CCDC40: variants seen among roughly 807,000 people sequenced by gnomAD.
CCDC40 encodes coiled-coil domain 40 molecular ruler complex subunit.
A neutral mutation model predicts 124.5 loss-of-function variants in CCDC40; 104 were observed. The ratio of observed to expected loss-of-function variants is 0.84; its 90% CI spans 0.71 to 0.98. The LOEUF (loss-of-function observed/expected upper bound fraction) is 0.98. Among genes scored for constraint, CCDC40 ranks in the 50% least tolerant of loss-of-function variants. The probability of loss-of-function intolerance (pLI) is 0.00; values close to 1 mark genes in which losing one functional copy is unlikely to be tolerated. For synonymous variants in CCDC40, 580 were observed against 602.9 expected, an observed-to-expected ratio of 0.96 and a Z score of 0.56; for missense variants, 1,463 against 1,503.9, an observed-to-expected ratio of 0.97 and a Z score of 0.45.
intron 18 of CCDC40, 89 bp downstream of exon 18, chr17:80,095,540 G>C (rs1255583726): frequency 7.6e-7 from 1 of 1,317,868 alleles, no homozygotes; most frequent in Non-Finnish European, 1.1e-6. Context: ...TGGGTCCGGG[G>C]TGAGGATGCA....
chr17:80,079,952 G>A (rs1365840130), intron 10 of CCDC40, among the ~76,000 whole-genome samples: 3 of 149,128 alleles, frequency 2.0e-5, no homozygotes, highest in African/African-American at 4.9e-5. Context: ...ATGGCCAGGC[G>A]CAGTGGCCCA....
At chr17:80,055,274 T>C (rs980485188) in intron 7 of CCDC40, among the ~76,000 whole-genome samples, 10 of 152,132 alleles carry the variant, frequency 6.6e-5, no homozygotes, top group Non-Finnish European at 1.5e-4. Context: ...GATCTGGGAA[T>C]GAAATACTGA....
At chr17:80,070,810 G>A (rs970899582) in intron 10 of CCDC40, among the ~76,000 whole-genome samples, 1 of 152,220 alleles carries the variant, frequency 6.6e-6, no homozygotes, top group African/African-American at 2.4e-5. Flanking sequence ...AGGGGCATGG[G>A]TGAGGCCTGT....
At chr17:80,051,100 G>C (rs371082066) in intron 7 of CCDC40, among the ~76,000 whole-genome samples, 1 of 152,124 alleles carries the variant, frequency 6.6e-6, no homozygotes, top group Non-Finnish European at 1.5e-5. Context: ...AGGTGACCGG[G>C]GACAGTGGCT....
chr17:80,095,479 C>T (rs750522462), intron 18 of CCDC40, 28 bp downstream of exon 18: 38 of 1,605,354 alleles, frequency 2.4e-5, no homozygotes, highest in South Asian at 3.3e-5. Context: ...GGAAACAGGG[C>T]GCCTGCTCCT....
chr17:80,057,280 G>T (rs148470470), intron 7 of CCDC40, among the ~76,000 whole-genome samples: 9,392 of 151,764 alleles, frequency 0.062, 905 homozygotes, highest in African/African-American at 0.21. Flanking sequence ...TAGAGACAGG[G>T]TTTCACCATG....
At chr17:80,098,335 G>C (rs537197494) in intron 19 of CCDC40, among the ~76,000 whole-genome samples, 4 of 152,376 alleles carry the variant, frequency 2.6e-5, no homozygotes. Context: ...AGAGGAGGGC[G>C]TTGGGTCTGA....
chr17:80,089,675 G>C, intron 16 of CCDC40, 89 bp from the exon 17 acceptor site: 1 of 1,518,018 alleles, frequency 6.6e-7, no homozygotes, highest in Admixed American at 1.7e-5. Context: ...ATTGCAGCTT[G>C]AGAGCCTTGT....
chr17:80,083,222 G>T (rs978209664), intron 12 of CCDC40, among the ~76,000 whole-genome samples: 3 of 152,054 alleles, frequency 2.0e-5, no homozygotes, highest in Non-Finnish European at 2.9e-5. Flanking sequence ...GTTGGGGAGG[G>T]GGGAGGCAGG....
chr17:80,082,787 C>T (rs56225538), intron 12 of CCDC40, among the ~76,000 whole-genome samples: 12,049 of 152,300 alleles, frequency 0.079, 776 homozygotes, highest in African/African-American at 0.18. Flanking sequence ...CCGCCGAGCC[C>T]CTGTCTGGGC....
intron 10 of CCDC40, among the ~76,000 whole-genome samples, chr17:80,076,498 A>T (rs1211840458): frequency 6.6e-6 from 1 of 150,950 alleles, no homozygotes; most frequent in African/African-American, 2.4e-5. Context: ...GCTTGAGCCT[A>T]GGAGGCTGAA....
At chr17:80,094,134 G>GGGTGC (rs1436411272) in intron 17 of CCDC40, among the ~76,000 whole-genome samples, 34 of 152,194 alleles carry the variant, frequency 2.2e-4, no homozygotes, top group South Asian at 8.3e-4. Context: ...AGTTTGGGCT[G>GGGTGC]GGTGCGGTGG....
intron 17 of CCDC40, among the ~76,000 whole-genome samples, chr17:80,092,760 A>G (rs2038745156): frequency 1.3e-5 from 2 of 151,928 alleles, no homozygotes; most frequent in South Asian, 4.2e-4. Flanking sequence ...ACGGGCACAC[A>G]CCACGGCACC....
rs1349509150 is a variant in CCDC40 at position 80,037,690 on chromosome 17, GATATACATATATATATATAT to G, written c.30-427_30-408del. On this transcript the variant is annotated intron_variant, in intron 1 of 19. Transcript: ENST00000397545. ...CTTGAATCTTTAATTTTTTAAAAAA[GATATACATATATATATATAT>G]ATATATATATTCCTGTGCTACGTAA... Among the ~76,000 whole-genome samples the G allele has an allele frequency of 9.8e-5, 9 of 92,090 alleles. No homozygotes were observed. The East Asian group carries it at 1.4e-3, about 15-fold the overall frequency. 60.4% of individuals were successfully genotyped at this position (92,090 alleles called of 152,430 possible).
At chr17:80,076,696 G>T (rs2143719642) in intron 10 of CCDC40, among the ~76,000 whole-genome samples, 1 of 151,378 alleles carries the variant, frequency 6.6e-6, no homozygotes, top group South Asian at 2.1e-4. Context: ...TATCAAGTAT[G>T]ACTTGATAAA....
chr17:80,095,427 C>T lies in CCDC40; in HGVS notation c.2997C>T (p.Arg999=). 6.2e-7 allele frequency: 1 copy of T among 1,614,184 alleles called. No individual in the cohort carries two copies. ...TCCACCACAAGCAGCTTGAGCTGCGCCGGAAAATCAGGGACGTTCGCAAGG... is the reference window on the plus strand; with the variant it reads ...TCCACCACAAGCAGCTTGAGCTGCGTCGGAAAATCAGGGACGTTCGCAAGG... ...TDFHHKQLEL[R]RKIRDVRKAT... is the part of the protein sequence containing the mutation. The change falls in exon 18 of 20, where the codon CGC becomes CGT. Residue 999 remains arginine, a synonymous_variant. Transcript: ENST00000397545.
chr17:80,077,825 TATC>T lies in CCDC40; in HGVS notation c.1563-3718_1563-3716del, dbSNP rs148081386. On this transcript the variant is annotated intron_variant, in intron 10 of 19. Coordinates refer to ENST00000397545, the MANE Select transcript of CCDC40 (RefSeq NM_017950.4). ...CTGCTCATTTTTCCGCTGAGTGGCT[TATC>T]ATTGAGTTGTAAGAGTTCTTCATAT... Among the ~76,000 whole-genome samples the T allele has an allele frequency of 5.3e-3, 801 of 152,332 alleles. 6 individuals are homozygous for T. Among genetic ancestry groups the T allele is most frequent in the African/African-American group, 0.017 (724 of 41,574 alleles).
At chr17:80,090,603 T>C in intron 17 of CCDC40, 1 of 1,481,994 alleles carries the variant, frequency 6.7e-7, no homozygotes, top group Non-Finnish European at 8.9e-7. Context: ...CGTATCCCAC[T>C]GTGAGACAGT....
At chr17:80,051,685 A>G (rs1301781787) in intron 7 of CCDC40, among the ~76,000 whole-genome samples, 7 of 151,840 alleles carry the variant, frequency 4.6e-5, no homozygotes, top group Admixed American at 3.3e-4. Flanking sequence ...GTTAGCATCA[A>G]ATGAACAGAA....
Sources: gnomAD v4.1 joint callset for allele counts (sites outside exome capture counted in the v4.1 genomes callset) on GRCh38, gnomAD v4.1.1 for gene constraint, MANE v1.5 for transcripts, NCBI Gene and HGNC (gene_info 2026-07-23, HGNC 2026-07-21) for gene names.